The following GTPBP1 variants were observed in gnomAD, a reference collection of about 807,000 sequenced individuals.
GTPBP1 encodes GTP-binding protein 1.
A neutral mutation model predicts 62.0 loss-of-function variants in GTPBP1; 23 were observed. The observed-to-expected ratio is 0.37, with a 90% CI of 0.27 to 0.53. The LOEUF is 0.53. Among genes scored for constraint, GTPBP1 ranks in the 20% least tolerant of loss-of-function variants. The pLI, the probability that GTPBP1 is intolerant of heterozygous loss-of-function variation, is 0.89. For missense variants in GTPBP1, 640 were observed against 917.3 expected, an observed-to-expected ratio of 0.70 and a Z score of 3.90; for synonymous variants, 344 against 364.4, an observed-to-expected ratio of 0.94 and a Z score of 0.64.
chr22:38,720,605 G>A (rs555815153), intron 4 of GTPBP1, among the ~76,000 whole-genome samples: 1 of 152,006 alleles, frequency 6.6e-6, no homozygotes, highest in Admixed American at 6.6e-5. Flanking sequence ...ATATTTTGGA[G>A]ATTAGTCCAT....
chr22:38,717,014 GC>G lies in GTPBP1; in HGVS notation c.834+18del. ...TGCATGCTCATGGTGAGTGGGAGGC[GC>G]CCCAAGGAGGGGAGGCGTCAGCAGG... On this transcript the variant is annotated intron_variant, in intron 4 of 11. Coordinates refer to ENST00000216044, the MANE Select transcript of GTPBP1 (RefSeq NM_004286.5). 2 of 1,538,530 alleles carry G rather than the reference GC, an allele frequency of 1.3e-6. No individual in the cohort carries two copies. Among genetic ancestry groups the G allele is most frequent in the Non-Finnish European group, 1.8e-6 (2 of 1,114,988 alleles).
In GTPBP1 at chr22:38,730,828, G is replaced by A. The variant is rs180810868; in HGVS notation, c.*124G>A. On this transcript the variant is annotated 3_prime_UTR_variant, in exon 12 of 12. Coordinates refer to ENST00000216044, the MANE Select transcript of GTPBP1 (RefSeq NM_004286.5). The surrounding 1 kb of genome is among the most constrained non-coding windows in gnomAD (Gnocchi z 5.6). ...CGCTCAGGCCACAGCCGGAGCCTCC[G>A]CATTGCCCCCACCCCCATTTTCCAG... The A allele has an allele frequency of 2.8e-3, 1,635 of 581,744 alleles. 6 individuals are homozygous for A. The highest frequency in any genetic ancestry group is 3.6e-3 in the Middle Eastern group (8 of 2,196). The allele number at this position is 581,744 out of a possible 1,614,324, so 36.0% of individuals were successfully genotyped here.
chr22:38,723,616 A>G, intron 5 of GTPBP1: 2 of 534,240 alleles, frequency 3.7e-6, no homozygotes, highest in Non-Finnish European at 3.3e-6. Context: ...CTTGGTCTGA[A>G]CACAGCCTAG....
rs1031226275 is a variant in GTPBP1 at position 38,716,316 on chromosome 22, G to C, written c.485+229G>C. The C allele has an allele frequency of 2.6e-5, 15 of 587,484 alleles. No individual in the cohort carries two copies. Among genetic ancestry groups the C allele is most frequent in the African/African-American group, 2.4e-4 (13 of 53,644 alleles). The allele number at this position is 587,484 out of a possible 1,614,324, so 36.4% of individuals were successfully genotyped here. ...TTCTGTGGCCATTCTCTGTGGGTGT[G>C]TTTCTTTTCCCTTCAGCCTGTGAGC... On this transcript the variant is annotated intron_variant, in intron 3 of 11. Coordinates refer to ENST00000216044, the MANE Select transcript of GTPBP1 (RefSeq NM_004286.5). The surrounding 1 kb of genome is among the most constrained non-coding windows in gnomAD (Gnocchi z 5.2).
In GTPBP1 at chr22:38,727,777, C is replaced by T. The variant is rs567576293; in HGVS notation, c.1538-206C>T. On this transcript the variant is annotated intron_variant, in intron 9 of 11. Coordinates refer to ENST00000216044, the MANE Select transcript of GTPBP1 (RefSeq NM_004286.5). This position sits in a 1 kb window ranked among gnomAD's most constrained non-coding sequence, Gnocchi z 6.5. ...CCCAGGGCCTGGGGGTGGGGGATGA[C>T]GGGTGGGCATTAGCTGGAGGAAAAG... Among the ~76,000 whole-genome samples, 52 of 152,174 alleles carry T rather than the reference C, an allele frequency of 3.4e-4. 1 individual carries two copies. Among genetic ancestry groups the T allele is most frequent in the African/African-American group, 1.1e-3 (45 of 41,500 alleles).
rs1214822787 is a variant in GTPBP1 at position 38,731,837 on chromosome 22, C to T, written c.*1133C>T. On this transcript the variant is annotated 3_prime_UTR_variant, in exon 12 of 12. Coordinates refer to ENST00000216044, the MANE Select transcript of GTPBP1 (RefSeq NM_004286.5). Reference sequence around the variant, plus strand: ...GCCTGAGCTCCAGGTTTGAAAGACCCAACTGGAGCGTGGGGCGGGCAGGCA... The same window carrying T: ...GCCTGAGCTCCAGGTTTGAAAGACCTAACTGGAGCGTGGGGCGGGCAGGCA... 1 of 152,412 alleles carries T rather than the reference C, an allele frequency of 6.6e-6. No individual in the cohort carries two copies. The highest frequency in any genetic ancestry group is 2.4e-5 in the African/African-American group (1 of 41,458). 9.4% of individuals were successfully genotyped at this position (152,412 alleles called of 1,614,324 possible). A position where few individuals can be genotyped will look rare whatever the true frequency, so the allele number is the denominator to read the frequency against.
chr22:38,740,236 G>T, downstream of GTPBP1: 1 of 1,517,674 alleles, frequency 6.6e-7, no homozygotes, highest in South Asian at 1.3e-5. The surrounding 1 kb of genome is among the most constrained non-coding windows in gnomAD (Gnocchi z 4.8). Flanking sequence ...GGAGGAGAGG[G>T]ACCAGCAGGG....
intron 10 of GTPBP1, 177 bp downstream of exon 10, chr22:38,728,338 G>T: frequency 1.7e-6 from 1 of 588,504 alleles, no homozygotes; most frequent in Non-Finnish European, 3.1e-6. Context: ...CTCCTGTCCT[G>T]GGCAGTGGTG....
In GTPBP1 at chr22:38,716,691, G is replaced by A. The variant is rs538837590; in HGVS notation, c.525G>A (p.Thr175=). Residue 175 remains threonine (T), a synonymous_variant, in exon 4 of 12, where the codon ACG becomes ACA. Coordinates refer to ENST00000216044, the MANE Select transcript of GTPBP1 (RefSeq NM_004286.5). The surrounding 1 kb of genome is among the most constrained non-coding windows in gnomAD (Gnocchi z 5.2). Reference sequence around the variant, plus strand: ...GCAACGTGGATGCTGGCAAAAGCACGCTTCTGGGGGTCCTGACACATGGGG... The same window carrying A: ...GCAACGTGGATGCTGGCAAAAGCACACTTCTGGGGGTCCTGACACATGGGG... ...VVGNVDAGKS[T]LLGVLTHGEL... The A allele has an allele frequency of 1.1e-5, 17 of 1,614,080 alleles. No individual in the cohort carries two copies. The East Asian group carries it at 3.1e-4, about 30-fold the overall frequency.
intron 4 of GTPBP1, among the ~76,000 whole-genome samples, chr22:38,718,684 A>T (rs1385767814): frequency 1.3e-5 from 2 of 152,202 alleles, no homozygotes; most frequent in African/African-American, 2.4e-5. Flanking sequence ...GACACACTGG[A>T]ATGGATAGGG....
At chr22:38,709,958 G>C (rs2092628801) in intron 2 of GTPBP1, among the ~76,000 whole-genome samples, 1 of 152,138 alleles carries the variant, frequency 6.6e-6, no homozygotes, top group Non-Finnish European at 1.5e-5. Context: ...TCTTCCCCTG[G>C]TCACTCCTAG....
chr22:38,707,498 TAGAG>T (rs2042027346), intron 1 of GTPBP1, among the ~76,000 whole-genome samples: 1 of 152,144 alleles, frequency 6.6e-6, no homozygotes, highest in African/African-American at 2.4e-5. Context: ...TGGCCAAACT[TAGAG>T]AGAGGGATGG....
rs1291472643 is a variant in GTPBP1 at position 38,716,202 on chromosome 22, T to C, written c.485+115T>C. 1.2e-6 allele frequency: 1 copy of C among 840,880 alleles called. No homozygotes were observed. Among genetic ancestry groups the C allele is most frequent in the Non-Finnish European group, 1.9e-6 (1 of 524,602 alleles). 52.1% of individuals were successfully genotyped at this position (840,880 alleles called of 1,614,324 possible). On this transcript the variant is annotated intron_variant, in intron 3 of 11. Transcript: ENST00000216044. This position sits in a 1 kb window ranked among gnomAD's most constrained non-coding sequence, Gnocchi z 5.2. ...TTCCCCTCCTGAGGCGGGGAAAGAGTGTCCAGGTGTCTGGAGACGTGGGCT... is the reference window on the plus strand; with the variant it reads ...TTCCCCTCCTGAGGCGGGGAAAGAGCGTCCAGGTGTCTGGAGACGTGGGCT...
intron 1 of GTPBP1, among the ~76,000 whole-genome samples, 194 bp downstream of exon 1, chr22:38,706,341 C>T (rs1200534799): frequency 6.6e-6 from 1 of 152,202 alleles, no homozygotes; most frequent in Non-Finnish European, 1.5e-5. Context: ...CCATGGTCCC[C>T]GCACCCACCT....
chr22:38,711,418 A>G (rs1201952457), intron 2 of GTPBP1, among the ~76,000 whole-genome samples: 1 of 152,220 alleles, frequency 6.6e-6, no homozygotes, highest in Non-Finnish European at 1.5e-5. Context: ...AATCTCTCCC[A>G]TGGTGTAGTA....
chr22:38,713,348 C>T (rs1361222855), intron 2 of GTPBP1, among the ~76,000 whole-genome samples: 3 of 152,018 alleles, frequency 2.0e-5, no homozygotes, highest in African/African-American at 4.8e-5. Context: ...GAAGTGACGG[C>T]GTCAGAGTTG....
chr22:38,717,997 A>T (rs1007833906), intron 4 of GTPBP1, among the ~76,000 whole-genome samples: 2 of 152,234 alleles, frequency 1.3e-5, no homozygotes, highest in Non-Finnish European at 2.9e-5. Flanking sequence ...AGCAAACTTG[A>T]TCAAGTTGCT....
At chr22:38,736,023 T>G, downstream of GTPBP1, 1 of 539,818 alleles carries the variant, frequency 1.9e-6, no homozygotes, top group East Asian at 3.6e-5. Context: ...ATATACACAC[T>G]CCCAGGATGG....
At chr22:38,721,916 T>C in intron 5 of GTPBP1, 51 bp downstream of exon 5, 2 of 1,453,374 alleles carry the variant, frequency 1.4e-6, no homozygotes. Context: ...GGCTGTCACC[T>C]GCTGTGCCTT....
Sources: gnomAD v4.1 joint callset for allele counts (sites outside exome capture counted in the v4.1 genomes callset) on GRCh38, gnomAD v4.1.1 for gene constraint, Gnocchi (gnomAD v3.1) non-coding constraint, MANE v1.5 for transcripts, NCBI Gene and HGNC (gene_info 2026-07-23, HGNC 2026-07-21) for gene names.